The following ASPRV1 variants were observed in gnomAD, a reference collection of about 807,000 sequenced individuals.
ASPRV1 encodes aspartic peptidase retroviral like 1, also known as retroviral-like aspartic protease 1.
Under a neutral mutation model 11.0 loss-of-function variants are expected in ASPRV1, and 7 were observed. The ratio of observed to expected loss-of-function variants is 0.64; its 90% CI spans 0.36 to 1.20. ASPRV1 has a LOEUF of 1.20. Ranked by LOEUF, ASPRV1 falls within the 50% of genes most tolerant of loss-of-function variation. The probability of loss-of-function intolerance (pLI) is 0.02; values close to 1 mark genes in which losing one functional copy is unlikely to be tolerated. For synonymous variants in ASPRV1, 136 were observed against 138.4 expected (o/e 0.98, Z 0.12); for missense variants, 299 against 320.0 (o/e 0.93, Z 0.50).
At chr2:70,020,000 A>G in the ASPRV1 span, among the ~76,000 whole-genome samples, 41 of 152,290 alleles carry the variant, frequency 2.7e-4, 1 homozygote, top group East Asian at 7.9e-3. Flanking sequence ...ATATATATAT[A>G]TATCAATATA....
chr2:69,948,524 A>G, the ASPRV1 span, among the ~76,000 whole-genome samples: 1 of 152,198 alleles, frequency 6.6e-6, no homozygotes, highest in Non-Finnish European at 1.5e-5. Flanking sequence ...GACAGGCCGC[A>G]GTGGGGGCAG....
the ASPRV1 span, chr2:70,000,530 C>T: frequency 6.6e-6 from 1 of 151,214 alleles, no homozygotes; most frequent in African/African-American, 2.4e-5. Flanking sequence ...TGGCTCACGC[C>T]TGTAATCCCA....
At chr2:70,002,551 A>C in the ASPRV1 span, among the ~76,000 whole-genome samples, 1 of 152,292 alleles carries the variant, frequency 6.6e-6, no homozygotes, top group Admixed American at 6.5e-5. Context: ...TAGTTCTATG[A>C]AGATGCCTAT....
the ASPRV1 span, among the ~76,000 whole-genome samples, chr2:69,991,754 C>T: frequency 6.6e-6 from 1 of 152,150 alleles, no homozygotes; most frequent in African/African-American, 2.4e-5. Context: ...CCATGTTGGC[C>T]AGGCTGGTCT....
At chr2:70,002,472 G>C in the ASPRV1 span, among the ~76,000 whole-genome samples, 1 of 152,168 alleles carries the variant, frequency 6.6e-6, no homozygotes, top group Non-Finnish European at 1.5e-5. Flanking sequence ...TGGCCCCACA[G>C]GTGTGGCATC....
At chr2:69,993,259 C>T in the ASPRV1 span, 1 of 152,444 alleles carries the variant, frequency 6.6e-6, no homozygotes, top group Non-Finnish European at 1.5e-5. Context: ...ACCCCTAGCC[C>T]ACATCTGAGT....
At chr2:70,056,625 A>AAAAAAAAAAAAAG in the ASPRV1 span, 1 of 145,208 alleles carries the variant, frequency 6.9e-6, no homozygotes, top group East Asian at 2.2e-4. Flanking sequence ...AAAAAAAAAA[A>AAAAAAAAAAAAAG]GTGGTTAAAA....
chr2:70,060,747 C>T, the ASPRV1 span, among the ~76,000 whole-genome samples: 2 of 152,132 alleles, frequency 1.3e-5, no homozygotes, highest in African/African-American at 2.4e-5. Flanking sequence ...ACCTGCAAGG[C>T]AGAGGCTGCA....
the ASPRV1 span, among the ~76,000 whole-genome samples, chr2:70,041,584 CA>C: frequency 6.6e-6 from 1 of 152,206 alleles, no homozygotes; most frequent in Admixed American, 6.5e-5. Flanking sequence ...TCCCATCTGG[CA>C]CTGATCCCCA....
the ASPRV1 span, among the ~76,000 whole-genome samples, chr2:70,022,013 T>G: frequency 9.3e-5 from 14 of 150,800 alleles, no homozygotes; most frequent in Non-Finnish European, 4.4e-5. Context: ...CAATACATTT[T>G]GTTTTGTTTT....
the ASPRV1 span, among the ~76,000 whole-genome samples, chr2:69,945,142 TGAG>T: frequency 6.6e-6 from 1 of 152,076 alleles, no homozygotes; most frequent in African/African-American, 2.4e-5. Flanking sequence ...CTCTGGAGGC[TGAG>T]ATGGGAGGAT....
chr2:69,959,806 A>G (rs1678022530), downstream of ASPRV1, among the ~76,000 whole-genome samples: 1 of 152,136 alleles, frequency 6.6e-6, no homozygotes, highest in African/African-American at 2.4e-5. Context: ...CTCACATAAA[A>G]CTTTAGGGTC....
the ASPRV1 span, among the ~76,000 whole-genome samples, chr2:70,082,461 A>C: frequency 6.6e-6 from 1 of 152,122 alleles, no homozygotes; most frequent in Non-Finnish European, 1.5e-5. Context: ...CTATAATCCC[A>C]GAACTTTGGG....
chr2:70,036,528 G>T, the ASPRV1 span, among the ~76,000 whole-genome samples: 2 of 152,128 alleles, frequency 1.3e-5, no homozygotes, highest in African/African-American at 2.4e-5. Flanking sequence ...GGAGAACAGA[G>T]TAACAAGTCA....
At chr2:69,981,085 T>C in the ASPRV1 span, among the ~76,000 whole-genome samples, 1 of 152,198 alleles carries the variant, frequency 6.6e-6, no homozygotes, top group Non-Finnish European at 1.5e-5. Flanking sequence ...CTAAAATTAT[T>C]TTAAAATAAA....
At chr2:70,077,638 G>A in the ASPRV1 span, among the ~76,000 whole-genome samples, 696 of 151,606 alleles carry the variant, frequency 4.6e-3, 3 homozygotes, top group African/African-American at 0.016. Flanking sequence ...CAGATCACCC[G>A]ATGTCAGGAG....
chr2:70,083,840 A>G, the ASPRV1 span, among the ~76,000 whole-genome samples: 1 of 152,186 alleles, frequency 6.6e-6, no homozygotes, highest in Admixed American at 6.6e-5. Context: ...CTCTTGCTTT[A>G]TAAAAGGGAG....
At chr2:69,964,224 A>G (rs1466731990), upstream of ASPRV1, 1 of 363,600 alleles carries the variant, frequency 2.8e-6, no homozygotes, top group Non-Finnish European at 5.5e-6. Context: ...AAGGAGCCCA[A>G]GCCCACCTTG....
At chr2:70,016,405 T>C in the ASPRV1 span, 5 of 152,190 alleles carry the variant, frequency 3.3e-5, no homozygotes, top group Admixed American at 1.3e-4. Context: ...AGGTGCAATG[T>C]GGCTCACACC....
Sources: gnomAD v4.1 joint callset for allele counts (sites outside exome capture counted in the v4.1 genomes callset) on GRCh38, gnomAD v4.1.1 for gene constraint, MANE v1.5 for transcripts, NCBI Gene and HGNC (gene_info 2026-07-23, HGNC 2026-07-21) for gene names.